SECISBP2L: variants seen among roughly 807,000 people sequenced by gnomAD.
SECISBP2L encodes SECIS binding protein 2 like, also known as selenocysteine insertion sequence-binding protein 2-like.
A neutral mutation model predicts 114.7 loss-of-function variants in SECISBP2L; 43 were observed. The observed-to-expected ratio is 0.38, with a 90% CI of 0.29 to 0.48. SECISBP2L has a LOEUF of 0.48. Ranked by LOEUF, SECISBP2L falls within the 20% of genes least tolerant of loss-of-function variation. The pLI is 0.98. For missense variants in SECISBP2L, 1,136 were observed against 1,301.1 expected (o/e 0.87, Z 1.95); for synonymous variants, 451 against 439.7 (o/e 1.03, Z -0.32).
intron 11 of SECISBP2L, chr15:49,013,164 C>T: frequency 5.5e-6 from 1 of 180,384 alleles, no homozygotes; most frequent in Non-Finnish European, 1.1e-5. Context: ...CTTATTCCTA[C>T]TGAATCTGCT....
rs564186293 is a variant in SECISBP2L at position 49,025,319 on chromosome 15, A to T, written c.1035+2046T>A. The stretch of plus-strand genomic sequence containing the variant: ...CTTATCTGAAATGCTTGGGACCAGA[A>T]GTGTTTTGAATTTCAGACTTTTTCA... On this transcript the variant is annotated intron_variant, in intron 7 of 17. Transcript: ENST00000559471. 5.9e-5 allele frequency among the ~76,000 whole-genome samples: 9 copies of T among 152,300 alleles called. No individual in the cohort carries two copies. The East Asian group carries it at 1.7e-3, about 29-fold the overall frequency.
chr15:49,026,102 G>A (rs889863897), intron 7 of SECISBP2L, among the ~76,000 whole-genome samples: 1 of 152,160 alleles, frequency 6.6e-6, no homozygotes, highest in Non-Finnish European at 1.5e-5. Context: ...AGGACAATAT[G>A]TTAAGTGAAA....
intron 14 of SECISBP2L, among the ~76,000 whole-genome samples, chr15:49,007,600 G>A (rs1323667389): frequency 6.6e-6 from 1 of 152,178 alleles, no homozygotes; most frequent in Non-Finnish European, 1.5e-5. Flanking sequence ...AAGACTATCA[G>A]AATTACTAAT....
chr15:49,040,719 T>C (rs1903111134), intron 1 of SECISBP2L, among the ~76,000 whole-genome samples: 1 of 151,040 alleles, frequency 6.6e-6, no homozygotes, highest in African/African-American at 2.4e-5. Context: ...TTTGAATTTT[T>C]AGTAGAGACG....
rs755991211 is a variant in SECISBP2L at position 49,028,510 on chromosome 15, G to A, written c.837C>T (p.His279=). The A allele has an allele frequency of 6.2e-7, 1 of 1,614,164 alleles. No homozygotes were observed. The highest frequency in any genetic ancestry group is 8.5e-7 in the Non-Finnish European group (1 of 1,180,028). ...DSDSGYCSPK[H]SNNQPAAGAL... is the part of the protein sequence containing the mutation. ...CCCCTGCTGCAGGCTGGTTGTTGCT[G>A]TGTTTGGGACTGCAGTAACCACTAT... Residue 279 remains histidine (H), a synonymous_variant, in exon 5 of 18, where the codon CAC becomes CAT. Transcript: ENST00000559471.
Position 49,027,360 on chromosome 15 carries a change from A to C in SECISBP2L, c.1035+5T>G. The C allele has an allele frequency of 2.5e-6, 4 of 1,598,558 alleles. No individual in the cohort carries two copies. Among genetic ancestry groups the C allele is most frequent in the Non-Finnish European group, 3.4e-6 (4 of 1,167,718 alleles). On this transcript the variant is annotated splice_donor_5th_base_variant and intron_variant, in intron 7 of 17. Coordinates refer to ENST00000559471, the MANE Select transcript of SECISBP2L (RefSeq NM_001193489.2). ...ATCAATTTTCTCCAACCTAATTCGA[A>C]TTACCTGTGAATTATTTCTTTGTTC... is the stretch of plus-strand genomic sequence containing the variant.
At chr15:49,012,255 G>A (rs578062778) in intron 12 of SECISBP2L, among the ~76,000 whole-genome samples, 2 of 152,220 alleles carry the variant, frequency 1.3e-5, no homozygotes, top group African/African-American at 4.8e-5. Flanking sequence ...TTTAACAATA[G>A]TGAGTTAAAT....
rs1901943211 is a variant in SECISBP2L at position 48,990,124 on chromosome 15, T to C, written c.*2120A>G. 1.3e-5 allele frequency: 2 copies of C among 152,650 alleles called. No homozygotes were observed. Among genetic ancestry groups the C allele is most frequent in the African/African-American group, 4.8e-5 (2 of 41,452 alleles). 9.5% of individuals were successfully genotyped at this position (152,650 alleles called of 1,614,324 possible). A position where few individuals can be genotyped will look rare whatever the true frequency, so the allele number is the denominator to read the frequency against. ...AAAAGTTACCAGTGTTCTGAAGATT[T>C]CCTCAACTTCTCTTTTGATACAAAT... is the stretch of plus-strand genomic sequence containing the variant. On this transcript the variant is annotated 3_prime_UTR_variant, in exon 18 of 18. Transcript: ENST00000559471.
intron 14 of SECISBP2L, among the ~76,000 whole-genome samples, chr15:49,005,910 T>G (rs975837592): frequency 1.3e-5 from 2 of 152,128 alleles, no homozygotes; most frequent in Non-Finnish European, 2.9e-5. Context: ...CTTTCCATAT[T>G]TAGTGCTTCC....
chr15:49,045,566 T>C (rs1394520361), intron 1 of SECISBP2L, among the ~76,000 whole-genome samples: 2 of 152,196 alleles, frequency 1.3e-5, no homozygotes, highest in African/African-American at 4.8e-5. Flanking sequence ...CCTACTAGCA[T>C]GCATAATCAG....
chr15:49,002,176 T>C (rs1321315364), intron 14 of SECISBP2L, among the ~76,000 whole-genome samples: 2 of 152,230 alleles, frequency 1.3e-5, no homozygotes, highest in Non-Finnish European at 2.9e-5. Flanking sequence ...GGTATCTCAT[T>C]GTGGTTTTGA....
At chr15:49,027,049 G>A (rs1404929041) in intron 7 of SECISBP2L, among the ~76,000 whole-genome samples, 1 of 152,184 alleles carries the variant, frequency 6.6e-6, no homozygotes, top group Non-Finnish European at 1.5e-5. Flanking sequence ...AATATTTAAA[G>A]CACAAAATGC....
Position 48,996,500 on chromosome 15 carries a change from A to C in SECISBP2L, c.2490T>G (p.Ala830=), listed in dbSNP as rs1268160719. Residue 830 remains alanine, a synonymous_variant, in exon 17 of 18, where the codon GCT becomes GCG. Coordinates refer to ENST00000559471, the MANE Select transcript of SECISBP2L (RefSeq NM_001193489.2). ...DMVAAMEQEQ[A]EEALKNVKKV... ...TCTTCACATTCTTTAAGGCTTCCTC[A>C]GCCTGCTCCTGTTCCATTGCTGCAA... is the stretch of plus-strand genomic sequence containing the variant. The C allele has an allele frequency of 3.1e-6, 5 of 1,613,994 alleles. No individual in the cohort carries two copies. The highest frequency in any genetic ancestry group is 3.4e-6 in the Non-Finnish European group (4 of 1,180,006).
At chr15:49,043,604 G>A (rs1486460049) in intron 1 of SECISBP2L, among the ~76,000 whole-genome samples, 1 of 89,586 alleles carries the variant, frequency 1.1e-5, no homozygotes, top group Non-Finnish European at 2.4e-5. Flanking sequence ...ATCTCAAAAT[G>A]CAAGTTTTTT....
Position 48,989,467 on chromosome 15 carries a change from C to T in SECISBP2L, c.*2777G>A, listed in dbSNP as rs915644880. On this transcript the variant is annotated 3_prime_UTR_variant, in exon 18 of 18. Coordinates refer to ENST00000559471, the MANE Select transcript of SECISBP2L (RefSeq NM_001193489.2). Reference sequence around the variant, plus strand: ...CCAGTAAAAACTTCTCAATGTATAACACACATTACTTTTCCACATTTAGTC... The same window carrying T: ...CCAGTAAAAACTTCTCAATGTATAATACACATTACTTTTCCACATTTAGTC... The T allele has an allele frequency of 6.6e-6, 1 of 152,560 alleles. No individual in the cohort carries two copies. Among genetic ancestry groups the T allele is most frequent in the African/African-American group, 2.4e-5 (1 of 41,432 alleles). The allele number at this position is 152,560 out of a possible 1,614,324, so 9.5% of individuals were successfully genotyped here.
intron 11 of SECISBP2L, 75 bp from the exon 12 acceptor site, chr15:49,012,892 A>T (rs1902465041): frequency 1.4e-6 from 2 of 1,443,694 alleles, no homozygotes; most frequent in Non-Finnish European, 1.9e-6. Flanking sequence ...AATAACTACA[A>T]AAACAAGAAC....
At chr15:49,034,123 A>G (rs1303109210) in intron 3 of SECISBP2L, among the ~76,000 whole-genome samples, 1 of 152,214 alleles carries the variant, frequency 6.6e-6, no homozygotes, top group Non-Finnish European at 1.5e-5. Context: ...AGCTTTTTAA[A>G]GCAATCTCTG....
At chr15:49,027,528 A>G (rs1418265781) in intron 6 of SECISBP2L, 48 bp from the exon 7 acceptor site, 3 of 1,246,344 alleles carry the variant, frequency 2.4e-6, no homozygotes, top group Non-Finnish European at 3.4e-6. Context: ...AAAAGGTAGG[A>G]AAACCTAAAT....
chr15:49,030,027 A>G (rs1210468787), intron 4 of SECISBP2L, among the ~76,000 whole-genome samples: 1 of 142,912 alleles, frequency 7.0e-6, no homozygotes, highest in Non-Finnish European at 1.5e-5. Context: ...TTCACAAATC[A>G]TAACTGTACC....
Sources: allele counts gnomAD v4.1 joint callset (sites outside exome capture counted in the v4.1 genomes callset), GRCh38; gene constraint gnomAD v4.1.1; transcripts MANE v1.5; gene names NCBI Gene and HGNC (gene_info 2026-07-23, HGNC 2026-07-21).